The following ERC1 variants were observed in gnomAD, a reference collection of about 807,000 sequenced individuals.
ERC1 encodes the protein ELKS/RAB6-interacting/CAST family member 1.
A neutral mutation model predicts 132.0 loss-of-function variants in ERC1; 56 were observed. That is an observed-to-expected ratio of 0.42 (90% confidence interval 0.34 to 0.53). ERC1 has a LOEUF of 0.53. ERC1 is among the 20% of genes least tolerant of loss of function. ERC1 has a pLI of 0.03. For synonymous variants in ERC1, 478 were observed against 476.1 expected (o/e 1.00, Z -0.05); for missense variants, 1,202 against 1,349.9 (o/e 0.89, Z 1.72).
rs1355163031 is a variant in ERC1, at chr12:1,373,173, A to G, written c.2925+1196A>G. On this transcript the variant is annotated intron_variant, in intron 16 of 18. Coordinates refer to ENST00000360905, the MANE Select transcript of ERC1 (RefSeq NM_178040.4). ...TGACTACCTGTTATGTAAGATAGGA[A>G]GAATGTGCTTATTATGAAAGACATC... Among the ~76,000 whole-genome samples, 5 of 152,240 alleles carry G rather than the reference A, an allele frequency of 3.3e-5. No individual in the cohort carries two copies. The South Asian group carries it at 1.0e-3, about 31-fold the overall frequency.
At chr12:1,070,328 T>C (rs895485480) in intron 2 of ERC1, among the ~76,000 whole-genome samples, 1 of 151,134 alleles carries the variant, frequency 6.6e-6, no homozygotes, top group African/African-American at 2.4e-5. Flanking sequence ...GGAGGCAGGG[T>C]CTCACTCTGC....
chr12:1,296,566 A>G (rs2079966390), intron 15 of ERC1, among the ~76,000 whole-genome samples: 1 of 152,048 alleles, frequency 6.6e-6, no homozygotes, highest in South Asian at 2.1e-4. Context: ...GGCATGCGCC[A>G]TCACAGCCAG....
chr12:1,473,452 G>T (rs2093906666), intron 18 of ERC1, among the ~76,000 whole-genome samples: 1 of 151,894 alleles, frequency 6.6e-6, no homozygotes, highest in Admixed American at 6.6e-5. Context: ...ACATTGCCTG[G>T]CAAGGGAGTT....
intron 12 of ERC1, among the ~76,000 whole-genome samples, chr12:1,194,633 C>T (rs1284753593): frequency 6.6e-6 from 1 of 151,882 alleles, no homozygotes; most frequent in Non-Finnish European, 1.5e-5. Flanking sequence ...GCTTTGTTAC[C>T]TTTTTTCTAA....
At chr12:1,357,378 A>T (rs978934667) in intron 15 of ERC1, among the ~76,000 whole-genome samples, 9 of 152,238 alleles carry the variant, frequency 5.9e-5, no homozygotes, top group Admixed American at 2.6e-4. Context: ...CATGCTATCC[A>T]TCTAAAACTG....
intron 15 of ERC1, among the ~76,000 whole-genome samples, chr12:1,336,986 T>C (rs1270435512): frequency 2.6e-5 from 4 of 152,174 alleles, no homozygotes; most frequent in Non-Finnish European, 1.5e-5. Flanking sequence ...TGTTTTGTTT[T>C]TGTATTTTTG....
intron 16 of ERC1, among the ~76,000 whole-genome samples, chr12:1,400,293 T>C (rs750298056): frequency 6.6e-6 from 1 of 152,232 alleles, no homozygotes; most frequent in African/African-American, 2.4e-5. Context: ...ATTTTTATTA[T>C]TGAGTTGTAA....
At chr12:1,353,779 T>C (rs573509677) in intron 15 of ERC1, among the ~76,000 whole-genome samples, 1 of 152,350 alleles carries the variant, frequency 6.6e-6, no homozygotes, top group East Asian at 1.9e-4. Context: ...TACTGCTGTT[T>C]ACTGCTCAGC....
Position 1,440,480 on chromosome 12 carries a change from A to C in ERC1, c.3025-4082A>C, listed in dbSNP as rs531545850. ...CTTGGCCTCCCAAAGTGCTGCGATT[A>C]CAGGTGTGAGCCACCGCGCCCGGCC... On this transcript the variant is annotated intron_variant, in intron 17 of 18. Transcript: ENST00000360905. Among the ~76,000 whole-genome samples the C allele has an allele frequency of 7.3e-4, 107 of 146,622 alleles. No individual in the cohort carries two copies. In the Middle Eastern group the frequency reaches 0.019, roughly 26 times the overall value.
chr12:1,105,609 G>A (rs1374074716), intron 4 of ERC1, among the ~76,000 whole-genome samples: 3 of 152,112 alleles, frequency 2.0e-5, no homozygotes, highest in South Asian at 2.1e-4. Context: ...CGCCCGCCTC[G>A]GCCTCCCAAA....
At chr12:1,484,260 G>GCA (rs2094160634) in intron 18 of ERC1, among the ~76,000 whole-genome samples, 2 of 151,102 alleles carry the variant, frequency 1.3e-5, no homozygotes, top group Admixed American at 1.3e-4. Context: ...AGCCGAGATC[G>GCA]CACCACTGCA....
At chr12:1,278,789 A>G (rs12318241) in intron 14 of ERC1, among the ~76,000 whole-genome samples, 13,468 of 152,222 alleles carry the variant, frequency 0.088, 787 homozygotes, top group African/African-American at 0.16. Context: ...CAATAAAAAA[A>G]GCCTTAGAGT....
intron 2 of ERC1, among the ~76,000 whole-genome samples, chr12:1,056,585 TC>T (rs1247533850): frequency 1.3e-5 from 2 of 152,132 alleles, no homozygotes; most frequent in African/African-American, 4.8e-5. Context: ...GGCTAGGTGT[TC>T]CATTTGCCTA....
intron 12 of ERC1, among the ~76,000 whole-genome samples, chr12:1,212,083 G>A (rs1957934073): frequency 6.6e-6 from 1 of 151,906 alleles, no homozygotes; most frequent in Non-Finnish European, 1.5e-5. Context: ...TTCCCTTTCA[G>A]CTTGTTCCAA....
chr12:1,028,488 G>C lies in ERC1; in HGVS notation c.585G>C (p.Lys195Asn). ...AGACCTTCTGGAGCCCAGAGCTGAA[G>C]AAGGAACGAGCCCTGAGAAAAGATG... Reference protein sequence around the residue: ...SIKTFWSPELKKERALRKDEA... With the variant: ...SIKTFWSPELNKERALRKDEA... The change falls in exon 2 of 19, where the codon AAG becomes AAC. Residue 195 changes from lysine to asparagine, a missense_variant. Physicochemically the swap from Lys to Asn is moderately conservative, Grantham distance 94. Transcript: ENST00000360905. The C allele has an allele frequency of 6.2e-7, 1 of 1,614,142 alleles. No homozygotes were observed. The highest frequency in any genetic ancestry group is 8.5e-7 in the Non-Finnish European group (1 of 1,180,014).
intron 7 of ERC1, among the ~76,000 whole-genome samples, chr12:1,125,168 G>T (rs1003789531): frequency 6.6e-6 from 1 of 151,790 alleles, no homozygotes; most frequent in Non-Finnish European, 1.5e-5. Flanking sequence ...CTAATTTTTT[G>T]TATTTTTAGT....
At chr12:1,214,532 G>A (rs944529497) in intron 12 of ERC1, among the ~76,000 whole-genome samples, 53 of 151,880 alleles carry the variant, frequency 3.5e-4, no homozygotes, top group African/African-American at 1.2e-3. Flanking sequence ...TCCACTCCCC[G>A]CCTCCCGGCC....
At chr12:1,167,018 G>T (rs576986733) in intron 8 of ERC1, among the ~76,000 whole-genome samples, 2 of 152,126 alleles carry the variant, frequency 1.3e-5, no homozygotes, top group Non-Finnish European at 2.9e-5. Context: ...TATCTGTGTC[G>T]TTTCTCATCT....
intron 17 of ERC1, among the ~76,000 whole-genome samples, chr12:1,409,769 C>A (rs2091732156): frequency 1.3e-5 from 2 of 152,132 alleles, no homozygotes; most frequent in Admixed American, 6.5e-5. Context: ...AGTGCAGTGG[C>A]ATGATCTCAG....
Sources: allele counts gnomAD v4.1 joint callset (sites outside exome capture counted in the v4.1 genomes callset), GRCh38; gene constraint gnomAD v4.1.1; transcripts MANE v1.5; gene names NCBI Gene and HGNC (gene_info 2026-07-23, HGNC 2026-07-21).